Variants in USP10 observed in about 807,000 individuals in gnomAD.
USP10 encodes ubiquitin specific peptidase 10.
A neutral mutation model predicts 84.5 loss-of-function variants in USP10; 22 were observed. The observed-to-expected ratio is 0.26, with a 90% CI of 0.19 to 0.37. USP10 has a LOEUF of 0.37. Ranked by LOEUF, USP10 falls within the 10% of genes least tolerant of loss-of-function variation. USP10 has a pLI of 1.00. For missense variants in USP10, 1,019 were observed against 998.9 expected (o/e 1.02, Z -0.27); for synonymous variants, 454 against 387.6 (o/e 1.17, Z -2.01).
intron 1 of USP10, among the ~76,000 whole-genome samples, chr16:84,712,342 T>A (rs1024467539): frequency 6.6e-6 from 1 of 152,164 alleles, no homozygotes; most frequent in South Asian, 2.1e-4. Context: ...ACCACATGGA[T>A]GAGCCGGAAG....
At chr16:84,753,685 C>T (rs1390178440) in intron 4 of USP10, among the ~76,000 whole-genome samples, 1 of 152,242 alleles carries the variant, frequency 6.6e-6, no homozygotes, top group Non-Finnish European at 1.5e-5. Context: ...TTTAGACTTT[C>T]TGGACCAGGA....
At chr16:84,700,145 GC>G in intron 1 of USP10, 34 bp downstream of exon 1, 1 of 1,267,364 alleles carries the variant, frequency 7.9e-7, no homozygotes, top group Non-Finnish European at 1.0e-6. Context: ...GCCGGAAGGG[GC>G]CCGAGCCCCG....
intron 1 of USP10, among the ~76,000 whole-genome samples, chr16:84,711,226 A>G (rs1287041335): frequency 1.3e-5 from 2 of 152,078 alleles, no homozygotes; most frequent in Non-Finnish European, 2.9e-5. Context: ...CCGTGTTGGG[A>G]TTTATAAGTT....
chr16:84,772,980 T>G lies in USP10; in HGVS notation c.2143+295T>G, dbSNP rs118129199. On this transcript the variant is annotated intron_variant, in intron 12 of 13. Transcript: ENST00000219473. ...TTTCTGTGAATATTTCAGGGATGAATGGTGCAGTTTGCCTTCCACCGAGTA... is the reference window on the plus strand; with the variant it reads ...TTTCTGTGAATATTTCAGGGATGAAGGGTGCAGTTTGCCTTCCACCGAGTA... Among the ~76,000 whole-genome samples, 461 of 152,330 alleles carry G rather than the reference T, an allele frequency of 3.0e-3. 10 individuals carry two copies. In the East Asian group the frequency reaches 0.067, roughly 22 times the overall value.
chr16:84,706,225 G>A (rs1251720840), intron 1 of USP10, among the ~76,000 whole-genome samples: 1 of 151,892 alleles, frequency 6.6e-6, no homozygotes. Context: ...ACTTTTGATA[G>A]GACATGTTGA....
At chr16:84,728,187 GT>G (rs1375565504) in intron 1 of USP10, among the ~76,000 whole-genome samples, 2 of 152,208 alleles carry the variant, frequency 1.3e-5, no homozygotes, top group African/African-American at 2.4e-5. Flanking sequence ...GCAGTTGGCT[GT>G]CCTGAATTTC....
intron 1 of USP10, among the ~76,000 whole-genome samples, chr16:84,726,942 G>T (rs954318489): frequency 6.6e-6 from 1 of 152,210 alleles, no homozygotes; most frequent in African/African-American, 2.4e-5. Flanking sequence ...TCTGACTCTG[G>T]CAGAGTTGCT....
intron 2 of USP10, among the ~76,000 whole-genome samples, chr16:84,738,538 C>T (rs940674805): frequency 2.0e-5 from 3 of 152,168 alleles, no homozygotes; most frequent in Non-Finnish European, 2.9e-5. Flanking sequence ...CAGGTGCCTG[C>T]CAGCATCAAT....
intron 7 of USP10, 93 bp downstream of exon 7, chr16:84,760,039 A>G (rs1913024930): frequency 2.3e-5 from 36 of 1,543,402 alleles, no homozygotes; most frequent in Non-Finnish European, 3.0e-5. Context: ...TGTTGGGAAG[A>G]TAGTGTCTTT....
chr16:84,769,915 T>C (rs1376332189), intron 11 of USP10, among the ~76,000 whole-genome samples: 1 of 152,146 alleles, frequency 6.6e-6, no homozygotes, highest in East Asian at 1.9e-4. Context: ...GAAAGAATGG[T>C]TTATCCTAAA....
intron 8 of USP10, among the ~76,000 whole-genome samples, chr16:84,761,692 C>T (rs1250351154): frequency 6.6e-6 from 1 of 152,256 alleles, no homozygotes; most frequent in African/African-American, 2.4e-5. Flanking sequence ...AGTCCAAACT[C>T]CCAAAACAAA....
intron 1 of USP10, among the ~76,000 whole-genome samples, chr16:84,710,089 C>G (rs887021942): frequency 4.0e-5 from 6 of 151,870 alleles, no homozygotes; most frequent in Non-Finnish European, 8.8e-5. Flanking sequence ...GGCCAACATG[C>G]TGAAACCCCA....
intron 4 of USP10, among the ~76,000 whole-genome samples, chr16:84,746,148 A>C (rs1314297751): frequency 1.5e-5 from 2 of 130,660 alleles, no homozygotes; most frequent in Admixed American, 1.7e-4. Flanking sequence ...TGATACACCA[A>C]GGTCAGCTCT....
chr16:84,760,263 C>T lies in USP10; in HGVS notation c.1542C>T (p.Ser514=), dbSNP rs1913056013. 3 of 1,605,688 alleles carry T rather than the reference C, an allele frequency of 1.9e-6. No homozygotes were observed. Among genetic ancestry groups the T allele is most frequent in the Admixed American group, 1.7e-5 (1 of 58,882 alleles). ...IYRLLTVNKS[S]LSEKGRQEDA... ...GACTCCTGACAGTTAACAAGTCAAGCCTGTCTGAAAAGGTTTGAGACTTCT... is the reference window on the plus strand; with the variant it reads ...GACTCCTGACAGTTAACAAGTCAAGTCTGTCTGAAAAGGTTTGAGACTTCT... The change falls in exon 8 of 14, where the codon AGC becomes AGT. Residue 514 remains serine, a synonymous_variant. Transcript: ENST00000219473.
chr16:84,744,973 A>C lies in USP10; in HGVS notation c.492A>C (p.Lys164Asn), dbSNP rs745672228. Residue 164 changes from lysine to asparagine, a missense_variant, in exon 4 of 14, where the codon AAA (lysine) becomes AAC (asparagine). Coordinates refer to ENST00000219473, the MANE Select transcript of USP10 (RefSeq NM_005153.3). ...KRPPGYYSYL[K>N]DGGDDSISTE... ...CACCTGGATATTACAGCTATTTGAA[A>C]GATGGTGGCGATGATAGTATCTCCA... is the stretch of plus-strand genomic sequence containing the variant. 2.5e-6 allele frequency: 4 copies of C among 1,613,734 alleles called. No homozygotes were observed. The South Asian group carries it at 3.3e-5, about 13-fold the overall frequency.
intron 7 of USP10, 95 bp from the exon 8 acceptor site, chr16:84,760,077 C>G (rs1913029846): frequency 1.3e-6 from 2 of 1,509,020 alleles, no homozygotes; most frequent in Admixed American, 1.8e-5. Flanking sequence ...AACATTCAGC[C>G]AGGTGGGAGG....
chr16:84,744,872 G>A lies in USP10; in HGVS notation c.391G>A (p.Glu131Lys). The change falls in exon 4 of 14, where the codon GAG becomes AAG. Residue 131 changes from glutamate to lysine, a missense_variant. By Grantham distance (56) the Glu-to-Lys change is moderately conservative. Around this residue, in one of 2 missense-constraint regions of USP10, gnomAD observed 787 missense variants for 708.8 expected, o/e 1.11. Transcript: ENST00000219473. Reference protein sequence around the residue: ...ALALDGSSNVEAEVLENDGVS... With the variant: ...ALALDGSSNVKAEVLENDGVS... ...CGCTTTGGATGGAAGTTCTAATGTG[G>A]AGGCGGAAGTTTTGGAAAATGATGG... The A allele has an allele frequency of 6.2e-7, 1 of 1,613,774 alleles. No individual in the cohort carries two copies. Among genetic ancestry groups the A allele is most frequent in the South Asian group, 1.1e-5 (1 of 91,074 alleles).
At chr16:84,774,512 C>T (rs1597408387) in intron 12 of USP10, among the ~76,000 whole-genome samples, 1 of 67,714 alleles carries the variant, frequency 1.5e-5, no homozygotes, top group South Asian at 4.9e-4. Flanking sequence ...GCTCTGTCAC[C>T]CAGGCTGGAG....
intron 11 of USP10, 106 bp from the exon 12 acceptor site, chr16:84,772,435 C>T (rs1233618691): frequency 6.6e-7 from 1 of 1,516,902 alleles, no homozygotes. Flanking sequence ...CCACAGGACT[C>T]TTGGGCCTCA....
Sources: gnomAD v4.1 joint callset for allele counts (sites outside exome capture counted in the v4.1 genomes callset) on GRCh38, gnomAD v4.1.1 for gene constraint, gnomAD v4.1.1 regional missense constraint, MANE v1.5 for transcripts, NCBI Gene and HGNC (gene_info 2026-07-23, HGNC 2026-07-21) for gene names.